DNAJC16: variants seen among roughly 807,000 people sequenced by gnomAD.
DNAJC16 encodes the protein DnaJ heat shock protein family (Hsp40) member C16.
A neutral mutation model predicts 92.7 loss-of-function variants in DNAJC16; 76 were observed. The ratio of observed to expected loss-of-function variants is 0.82; its 90% CI spans 0.68 to 0.99. The LOEUF is 0.99. Among genes scored for constraint, DNAJC16 ranks in the 50% least tolerant of loss-of-function variants. The pLI is 0.00. For synonymous variants in DNAJC16, 328 were observed against 358.7 expected (o/e 0.91, Z 0.97); for missense variants, 869 against 942.4 (o/e 0.92, Z 1.02).
At chr1:15,542,525 G>C (rs892055794) in intron 4 of DNAJC16, among the ~76,000 whole-genome samples, 1 of 152,112 alleles carries the variant, frequency 6.6e-6, no homozygotes, top group Non-Finnish European at 1.5e-5. Flanking sequence ...TAACCATAAG[G>C]AATGTTCCCC....
chr1:15,532,793 T>C (rs958282019), intron 2 of DNAJC16, among the ~76,000 whole-genome samples: 1 of 152,180 alleles, frequency 6.6e-6, no homozygotes, highest in African/African-American at 2.4e-5. Flanking sequence ...TGAGATTTTT[T>C]TCCCCCACTA....
At chr1:15,562,027 A>G in intron 8 of DNAJC16, 115 bp from the exon 9 acceptor site, 2 of 978,474 alleles carry the variant, frequency 2.0e-6, no homozygotes, top group Non-Finnish European at 2.9e-6. Flanking sequence ...CACTGGGCAC[A>G]GTGTATTCAC....
chr1:15,549,902 C>T (rs544032375), intron 7 of DNAJC16, among the ~76,000 whole-genome samples: 1 of 150,808 alleles, frequency 6.6e-6, no homozygotes, highest in Non-Finnish European at 1.5e-5. Flanking sequence ...TAGAATTGTT[C>T]TATTTAAATA....
chr1:15,568,420 C>G lies in DNAJC16; in HGVS notation c.*243C>G. On this transcript the variant is annotated 3_prime_UTR_variant, in exon 15 of 15. Coordinates refer to ENST00000375847, the MANE Select transcript of DNAJC16 (RefSeq NM_015291.4). ...TGTTATTTTTCCCCACTGAATGCCA[C>G]ACCATTGAAAATAGACTGCTCATCC... is the stretch of plus-strand genomic sequence containing the variant. The G allele has an allele frequency of 1.8e-6, 1 of 544,328 alleles. No homozygotes were observed. Among genetic ancestry groups the G allele is most frequent in the Non-Finnish European group, 3.2e-6 (1 of 310,160 alleles). 33.7% of individuals were successfully genotyped at this position (544,328 alleles called of 1,614,324 possible).
At chr1:15,527,559 A>G (rs1398403338) in intron 1 of DNAJC16, among the ~76,000 whole-genome samples, 1 of 152,236 alleles carries the variant, frequency 6.6e-6, no homozygotes, top group African/African-American at 2.4e-5. Context: ...CCAAGGTAAT[A>G]AAGTAGTGGA....
intron 4 of DNAJC16, among the ~76,000 whole-genome samples, chr1:15,539,309 G>A (rs1024041177): frequency 6.6e-6 from 1 of 151,232 alleles, no homozygotes; most frequent in African/African-American, 2.4e-5. Context: ...GCAGTGGTGC[G>A]ATCTCTGCTC....
intron 9 of DNAJC16, among the ~76,000 whole-genome samples, chr1:15,563,711 T>C (rs1638743530): frequency 7.0e-6 from 1 of 143,078 alleles, no homozygotes; most frequent in Non-Finnish European, 1.5e-5. Context: ...TAGCCAGGCA[T>C]GGTGGCAGGT....
chr1:15,549,633 TG>T (rs776710426), intron 7 of DNAJC16, among the ~76,000 whole-genome samples: 40 of 151,926 alleles, frequency 2.6e-4, no homozygotes, highest in Non-Finnish European at 3.7e-4. Context: ...GCCAACGTGG[TG>T]AAACCCCGTC....
At chr1:15,547,208 G>A (rs569675584) in intron 6 of DNAJC16, among the ~76,000 whole-genome samples, 9 of 150,412 alleles carry the variant, frequency 6.0e-5, no homozygotes, top group South Asian at 2.1e-4. Flanking sequence ...GCAGTGGCGC[G>A]ATCTCCTCGG....
rs1409278258 is a variant in DNAJC16, at chr1:15,566,810, G to A, written c.1779-289G>A. Among the ~76,000 whole-genome samples, 4 of 152,318 alleles carry A rather than the reference G, an allele frequency of 2.6e-5. No individual in the cohort carries two copies. The East Asian group carries it at 7.7e-4, about 29-fold the overall frequency. ...GAGGTAGGAGGATCACTTGAGCCCA[G>A]GAGGTCGAGGCTGCAGTGAGCCATG... is the stretch of plus-strand genomic sequence containing the variant. On this transcript the variant is annotated intron_variant, in intron 13 of 14. Coordinates refer to ENST00000375847, the MANE Select transcript of DNAJC16 (RefSeq NM_015291.4).
At chr1:15,554,777 T>G (rs1364295660) in intron 7 of DNAJC16, among the ~76,000 whole-genome samples, 1 of 152,154 alleles carries the variant, frequency 6.6e-6, no homozygotes, top group Non-Finnish European at 1.5e-5. Flanking sequence ...AGGATAGAGA[T>G]CGTATAAAAG....
chr1:15,564,109 C>G lies in DNAJC16; in HGVS notation c.1519C>G (p.Pro507Ala), dbSNP rs1193424835. The G allele has an allele frequency of 6.2e-7, 1 of 1,613,998 alleles. No homozygotes were observed. Among genetic ancestry groups the G allele is most frequent in the South Asian group, 1.1e-5 (1 of 91,066 alleles). The change falls in exon 10 of 15, where the codon CCT (proline) becomes GCT (alanine). Residue 507 changes from proline (P) to alanine (A), a missense_variant and splice_region_variant. Transcript: ENST00000375847. ...TCCTGACCTGACCGATGAACTTGCC[C>G]CTGTGAGCATCGGGGCTGGGAAGGG... ...VLPDLTDELA[P>A]VFLLRWFYSA...
At chr1:15,533,644 CAAAAAAAA>C (rs772947552) in intron 2 of DNAJC16, among the ~76,000 whole-genome samples, 88 of 151,000 alleles carry the variant, frequency 5.8e-4, no homozygotes, top group Non-Finnish European at 9.7e-4. Flanking sequence ...AACAAAAAAA[CAAAAAAAA>C]CAGTGGCCTT....
Position 15,568,288 on chromosome 1 carries a change from C to T in DNAJC16, c.*111C>T. ...TGAACAGAGTATAGATTTTAGATTG[C>T]TCTTCTAGAACCATGGCTAGAAGAA... On this transcript the variant is annotated 3_prime_UTR_variant, in exon 15 of 15. Coordinates refer to ENST00000375847, the MANE Select transcript of DNAJC16 (RefSeq NM_015291.4). 1.1e-6 allele frequency: 1 copy of T among 939,806 alleles called. No homozygotes were observed. Among genetic ancestry groups the T allele is most frequent in the Non-Finnish European group, 1.6e-6 (1 of 622,472 alleles). 58.2% of individuals were successfully genotyped at this position (939,806 alleles called of 1,614,324 possible).
intron 7 of DNAJC16, among the ~76,000 whole-genome samples, chr1:15,548,978 C>T (rs1638379233): frequency 6.6e-6 from 1 of 152,158 alleles, no homozygotes; most frequent in Admixed American, 6.5e-5. Flanking sequence ...AGACTAATAA[C>T]CATTTTTAAA....
At chr1:15,552,640 ATTTTTT>A (rs1480234886) in intron 7 of DNAJC16, among the ~76,000 whole-genome samples, 1 of 151,724 alleles carries the variant, frequency 6.6e-6, no homozygotes, top group South Asian at 2.1e-4. Flanking sequence ...TTTTATTTTA[ATTTTTT>A]TGTTTTTAAT....
In DNAJC16 at chr1:15,534,136, C is replaced by A. The variant is rs569141789; in HGVS notation, c.168-101C>A. 4.4e-5 allele frequency: 48 copies of A among 1,081,222 alleles called. 1 individual carries two copies. The Middle Eastern group carries it at 6.3e-4, about 14-fold the overall frequency. 67.0% of individuals were successfully genotyped at this position (1,081,222 alleles called of 1,614,324 possible). On this transcript the variant is annotated intron_variant, in intron 2 of 14. Transcript: ENST00000375847. ...TTAAGAAACTTTCCTAACAAAATAGCCCTCCGTCTGCCTCTGTAGTGAACT... is the reference window on the plus strand; with the variant it reads ...TTAAGAAACTTTCCTAACAAAATAGACCTCCGTCTGCCTCTGTAGTGAACT...
chr1:15,554,946 T>A (rs1361150982), intron 7 of DNAJC16, among the ~76,000 whole-genome samples: 1 of 152,136 alleles, frequency 6.6e-6, no homozygotes, highest in African/African-American at 2.4e-5. Context: ...CTGTAATATG[T>A]CTTCATAAAT....
chr1:15,529,318 T>G, intron 2 of DNAJC16, 46 bp downstream of exon 2: 1 of 1,543,312 alleles, frequency 6.5e-7, no homozygotes, highest in Non-Finnish European at 8.8e-7. Flanking sequence ...CTAAACAGTC[T>G]TAGCAGGGAT....
Sources: gnomAD v4.1 joint callset for allele counts (sites outside exome capture counted in the v4.1 genomes callset) on GRCh38, gnomAD v4.1.1 for gene constraint, MANE v1.5 for transcripts, NCBI Gene and HGNC (gene_info 2026-07-23, HGNC 2026-07-21) for gene names.